ULK4: variants seen among roughly 807,000 people sequenced by gnomAD.
ULK4 encodes the protein inactive serine/threonine-protein kinase ULK4.
In ULK4, 133 loss-of-function variants were observed where a neutral mutation model predicts 160.6. The observed-to-expected ratio is 0.83, with a 90% confidence interval of 0.72 to 0.96. ULK4 has a LOEUF of 0.96. Ranked by LOEUF, ULK4 falls within the 40% of genes least tolerant of loss-of-function variation. ULK4 has a pLI of 0.00. For missense variants in ULK4, 1,580 were observed against 1,499.5 expected, an observed-to-expected ratio of 1.05 and a Z score of -0.89; for synonymous variants, 534 against 539.8, an observed-to-expected ratio of 0.99 and a Z score of 0.15.
chr3:41,831,529 A>AT (rs1245660125), intron 18 of ULK4, among the ~76,000 whole-genome samples: 4 of 121,492 alleles, frequency 3.3e-5, no homozygotes, highest in African/African-American at 1.8e-4. Context: ...ATATATATAT[A>AT]TATTTTTTTT....
intron 35 of ULK4, among the ~76,000 whole-genome samples, chr3:41,278,614 A>G (rs962039405): frequency 6.6e-6 from 1 of 152,170 alleles, no homozygotes; most frequent in Non-Finnish European, 1.5e-5. Context: ...ATCAGGTAGC[A>G]ATATTTGCTG....
At chr3:41,848,579 G>A (rs943667378) in intron 17 of ULK4, among the ~76,000 whole-genome samples, 1 of 152,160 alleles carries the variant, frequency 6.6e-6, no homozygotes, top group African/African-American at 2.4e-5. Context: ...ACAGTCAAGG[G>A]CAGAGCCACA....
At chr3:41,899,898 G>A (rs1698290820) in intron 13 of ULK4, among the ~76,000 whole-genome samples, 1 of 151,882 alleles carries the variant, frequency 6.6e-6, no homozygotes, top group Non-Finnish European at 1.5e-5. Context: ...AAATAAATAA[G>A]AATTCAAGAA....
intron 19 of ULK4, among the ~76,000 whole-genome samples, chr3:41,806,103 C>G (rs1360752193): frequency 2.1e-5 from 3 of 146,092 alleles, no homozygotes. Flanking sequence ...GGCTGTGAAT[C>G]CATCTGGTCC....
At chr3:41,765,480 A>C (rs1231447633) in intron 21 of ULK4, among the ~76,000 whole-genome samples, 1 of 152,204 alleles carries the variant, frequency 6.6e-6, no homozygotes, top group African/African-American at 2.4e-5. Context: ...TGGGTGCAGC[A>C]CACCAACATA....
chr3:41,455,311 A>G (rs1439546195), intron 34 of ULK4, among the ~76,000 whole-genome samples, 186 bp downstream of exon 34: 1 of 152,240 alleles, frequency 6.6e-6, no homozygotes, highest in East Asian at 1.9e-4. Flanking sequence ...ATTTAAATGA[A>G]TAAGCCACCT....
chr3:41,742,304 C>A (rs1330499727), intron 22 of ULK4, among the ~76,000 whole-genome samples: 1 of 151,964 alleles, frequency 6.6e-6, no homozygotes, highest in African/African-American at 2.4e-5. Flanking sequence ...CTATAAGACC[C>A]AGCAGAGGGC....
intron 2 of ULK4, among the ~76,000 whole-genome samples, chr3:41,951,680 C>A (rs1232014972): frequency 6.6e-6 from 1 of 152,206 alleles, no homozygotes; most frequent in Non-Finnish European, 1.5e-5. Flanking sequence ...CTGTTGTGGT[C>A]TGAATGTGTC....
chr3:41,341,526 T>C (rs1351818683), intron 35 of ULK4, among the ~76,000 whole-genome samples: 2 of 152,200 alleles, frequency 1.3e-5, no homozygotes, highest in Non-Finnish European at 1.5e-5. Context: ...TGAAAAGATC[T>C]TGCCCTGACC....
intron 35 of ULK4, among the ~76,000 whole-genome samples, chr3:41,283,805 A>C (rs1306034355): frequency 6.6e-6 from 1 of 150,552 alleles, no homozygotes; most frequent in Non-Finnish European, 1.5e-5. Context: ...GACAAAAAAA[A>C]ACCCTAAAGA....
intron 31 of ULK4, among the ~76,000 whole-genome samples, chr3:41,596,126 A>C (rs2031674987): frequency 6.6e-6 from 1 of 152,174 alleles, no homozygotes; most frequent in African/African-American, 2.4e-5. Context: ...GAAAGACGGG[A>C]GTATGAGTAT....
At position 41,776,305 on chromosome 3, in the gene ULK4, A is replaced by G. The variant is rs573863121; in HGVS notation, c.2193+13356T>C. Among the ~76,000 whole-genome samples, 3 of 150,640 alleles carry G rather than the reference A, an allele frequency of 2.0e-5. No homozygotes were observed. In the East Asian group the frequency reaches 5.8e-4, roughly 29 times the overall value. ...AACTTTTCCTTTTCATTATTAGGCT[A>G]TTTTTCATATCCTGGATACTAATCA... On this transcript the variant is annotated intron_variant, in intron 21 of 36. Transcript: ENST00000301831.
intron 31 of ULK4, among the ~76,000 whole-genome samples, chr3:41,566,388 C>T (rs551312654): frequency 2.0e-5 from 3 of 152,324 alleles, no homozygotes; most frequent in East Asian, 1.9e-4. Context: ...AGAGATAACA[C>T]ATGGTCCTCC....
intron 32 of ULK4, among the ~76,000 whole-genome samples, chr3:41,549,834 G>A (rs572545607): frequency 6.6e-6 from 1 of 152,064 alleles, no homozygotes; most frequent in Non-Finnish European, 1.5e-5. Flanking sequence ...ATGACCATCA[G>A]GCTAACTGGA....
chr3:41,735,668 C>T (rs903956799), intron 22 of ULK4, among the ~76,000 whole-genome samples: 14 of 146,558 alleles, frequency 9.6e-5, no homozygotes. Context: ...CTCCTTGCTT[C>T]ACTCCACTCT....
At chr3:41,374,080 A>AAACC (rs1271622547) in intron 35 of ULK4, among the ~76,000 whole-genome samples, 18 of 152,176 alleles carry the variant, frequency 1.2e-4, no homozygotes, top group African/African-American at 4.1e-4. Flanking sequence ...TCCCAAGACT[A>AAACC]AACCAGGAAG....
intron 21 of ULK4, among the ~76,000 whole-genome samples, chr3:41,757,004 A>G (rs1246676662): frequency 6.6e-6 from 1 of 152,234 alleles, no homozygotes; most frequent in Non-Finnish European, 1.5e-5. Flanking sequence ...TGTAAATACA[A>G]AAAATGTTAA....
chr3:41,799,594 G>T (rs1426995418), intron 20 of ULK4, among the ~76,000 whole-genome samples: 1 of 152,130 alleles, frequency 6.6e-6, no homozygotes, highest in Non-Finnish European at 1.5e-5. Context: ...GGGCGCGGTG[G>T]CTCATCCACG....
chr3:41,559,291 A>G (rs200123677), intron 32 of ULK4, among the ~76,000 whole-genome samples: 22 of 118,388 alleles, frequency 1.9e-4, no homozygotes, highest in Non-Finnish European at 2.8e-4. Flanking sequence ...GGACATTTGG[A>G]TTGGTTCCAA....
Sources: allele counts gnomAD v4.1 joint callset (sites outside exome capture counted in the v4.1 genomes callset), GRCh38; gene constraint gnomAD v4.1.1; transcripts MANE v1.5; gene names NCBI Gene and HGNC (gene_info 2026-07-23, HGNC 2026-07-21).